KCNIP1: variants seen among roughly 807,000 people sequenced by gnomAD.
KCNIP1 encodes potassium voltage-gated channel interacting protein 1, also known as A-type potassium channel modulatory protein KCNIP1.
Under a neutral mutation model 33.0 loss-of-function variants are expected in KCNIP1, and 18 were observed. The ratio of observed to expected loss-of-function variants is 0.55; its 90% CI spans 0.38 to 0.81. The LOEUF (loss-of-function observed/expected upper bound fraction) is 0.81, where lower values mean the gene tolerates loss of function less well. Ranked by LOEUF, KCNIP1 falls within the 30% of genes least tolerant of loss-of-function variation. KCNIP1 has a pLI of 0.00. For synonymous variants in KCNIP1, 93 were observed against 98.3 expected, an observed-to-expected ratio of 0.95 and a Z score of 0.32; for missense variants, 238 against 271.6, an observed-to-expected ratio of 0.88 and a Z score of 0.87.
At chr5:170,664,903 A>G (rs1761645268) in intron 1 of KCNIP1, among the ~76,000 whole-genome samples, 1 of 152,172 alleles carries the variant, frequency 6.6e-6, no homozygotes. Flanking sequence ...CAGTAGGTCC[A>G]TGGTAAAATT....
chr5:170,391,013 T>C (rs1006084651), intron 1 of KCNIP1, among the ~76,000 whole-genome samples: 1 of 152,182 alleles, frequency 6.6e-6, no homozygotes, highest in Non-Finnish European at 1.5e-5. Flanking sequence ...TTGAATCTTA[T>C]TAACAGGAGA....
At chr5:170,543,378 G>A (rs1049307598) in intron 1 of KCNIP1, among the ~76,000 whole-genome samples, 5 of 152,130 alleles carry the variant, frequency 3.3e-5, no homozygotes, top group African/African-American at 1.2e-4. Context: ...GGTTGGAGTA[G>A]GGCCAAATCT....
chr5:170,633,196 G>C (rs941081915), intron 1 of KCNIP1, among the ~76,000 whole-genome samples: 1 of 152,080 alleles, frequency 6.6e-6, no homozygotes, highest in Non-Finnish European at 1.5e-5. Flanking sequence ...GCCACCTGGC[G>C]TCCAGAAGAG....
At chr5:170,418,475 GCCT>G (rs1694032388) in intron 1 of KCNIP1, among the ~76,000 whole-genome samples, 1 of 152,072 alleles carries the variant, frequency 6.6e-6, no homozygotes, top group South Asian at 2.1e-4. Flanking sequence ...TCCAGCCCTT[GCCT>G]CCTCAAGTCC....
chr5:170,446,730 CT>C (rs1340091126), intron 1 of KCNIP1, among the ~76,000 whole-genome samples: 2 of 152,216 alleles, frequency 1.3e-5, no homozygotes, highest in African/African-American at 4.8e-5. Flanking sequence ...GCATGAGGCA[CT>C]GCACCCAGCC....
intron 1 of KCNIP1, among the ~76,000 whole-genome samples, chr5:170,523,786 T>C (rs925867272): frequency 2.0e-5 from 3 of 152,070 alleles, no homozygotes; most frequent in East Asian, 1.9e-4. Context: ...CTCCAGCCCA[T>C]TGCACTCCAG....
intron 1 of KCNIP1, among the ~76,000 whole-genome samples, chr5:170,538,176 T>C (rs1182443644): frequency 2.0e-5 from 3 of 152,122 alleles, no homozygotes; most frequent in Non-Finnish European, 4.4e-5. Flanking sequence ...TCATGCCCTC[T>C]CCAGTATAGG....
intron 1 of KCNIP1, among the ~76,000 whole-genome samples, chr5:170,354,812 G>T (rs140225078): frequency 4.2e-4 from 64 of 152,310 alleles, no homozygotes; most frequent in African/African-American, 1.3e-3. Context: ...TTGTGGAGAT[G>T]ATGTCAAGGG....
intron 1 of KCNIP1, chr5:170,681,253 A>C (rs1734516017): frequency 2.5e-6 from 1 of 397,990 alleles, no homozygotes; most frequent in Non-Finnish European, 4.4e-6. Context: ...AGTCGTTTCG[A>C]AAATGCACGG....
intron 1 of KCNIP1, among the ~76,000 whole-genome samples, chr5:170,623,589 T>G (rs1414460023): frequency 6.6e-6 from 1 of 152,030 alleles, no homozygotes; most frequent in Admixed American, 6.5e-5. Context: ...CACCCTCCTT[T>G]CCCCAACCTC....
chr5:170,469,086 C>G (rs10516076), intron 1 of KCNIP1, among the ~76,000 whole-genome samples: 3 of 152,090 alleles, frequency 2.0e-5, no homozygotes, highest in African/African-American at 7.2e-5. Flanking sequence ...ACATTCTGTA[C>G]TGCTTTTGTG....
intron 1 of KCNIP1, among the ~76,000 whole-genome samples, chr5:170,366,708 C>T (rs7710512): frequency 0.16 from 23,629 of 152,166 alleles, 1,930 homozygotes; most frequent in East Asian, 0.2. Context: ...GAGTAAGCTA[C>T]CCTCAAAACG....
At chr5:170,713,652 A>C (rs1469067794) in intron 1 of KCNIP1, among the ~76,000 whole-genome samples, 1 of 152,200 alleles carries the variant, frequency 6.6e-6, no homozygotes, top group East Asian at 1.9e-4. Context: ...AAAATAATTA[A>C]GATACATTTT....
At chr5:170,690,852 C>T (rs1762695320) in intron 1 of KCNIP1, among the ~76,000 whole-genome samples, 1 of 152,236 alleles carries the variant, frequency 6.6e-6, no homozygotes, top group African/African-American at 2.4e-5. Flanking sequence ...CTCTTTAACC[C>T]AAGCATCTGA....
intron 1 of KCNIP1, among the ~76,000 whole-genome samples, chr5:170,380,401 T>C (rs1764192082): frequency 6.6e-6 from 1 of 152,168 alleles, no homozygotes; most frequent in Non-Finnish European, 1.5e-5. Context: ...AAGATCAAAA[T>C]GTGTAAAACT....
intron 1 of KCNIP1, among the ~76,000 whole-genome samples, chr5:170,637,765 G>T (rs1760348266): frequency 6.6e-6 from 1 of 152,016 alleles, no homozygotes; most frequent in Non-Finnish European, 1.5e-5. Context: ...GACTCTGTGG[G>T]GCCTTGGTTT....
intron 1 of KCNIP1, among the ~76,000 whole-genome samples, chr5:170,668,602 C>T (rs11747249): frequency 0.068 from 10,320 of 152,288 alleles, 457 homozygotes; most frequent in Non-Finnish European, 0.092. Flanking sequence ...CCAGTACAGA[C>T]GGCATGCTTG....
chr5:170,353,798 C>T, exon 1 of KCNIP1: 7 of 1,332,934 alleles, frequency 5.3e-6, no homozygotes, highest in Non-Finnish European at 7.4e-6. Flanking sequence ...CCCAGGCAGG[C>T]TCCAAGTTCC....
chr5:170,431,813 C>A (rs1755747616), intron 1 of KCNIP1, among the ~76,000 whole-genome samples: 1 of 152,216 alleles, frequency 6.6e-6, no homozygotes, highest in South Asian at 2.1e-4. Context: ...CAGCACCTTT[C>A]TGGACTTGAG....
Sources: allele counts gnomAD v4.1 joint callset (sites outside exome capture counted in the v4.1 genomes callset), GRCh38; gene constraint gnomAD v4.1.1; transcripts MANE v1.5; gene names NCBI Gene and HGNC (gene_info 2026-07-23, HGNC 2026-07-21).